RGS21: variants seen among roughly 807,000 people sequenced by gnomAD.
The protein encoded by RGS21 is regulator of G protein signaling 21, also known as regulator of G-protein signalling 21.
A neutral mutation model predicts 18.7 loss-of-function variants in RGS21; 19 were observed. The ratio of observed to expected loss-of-function variants is 1.01; its 90% CI spans 0.71 to 1.49. RGS21 has a LOEUF of 1.49. Ranked by LOEUF, RGS21 falls within the 40% of genes most tolerant of loss-of-function variation. RGS21 has a pLI of 0.00. For missense variants in RGS21, 194 were observed against 176.8 expected (o/e 1.10, Z -0.55); for synonymous variants, 56 against 57.8 (o/e 0.97, Z 0.14).
Position 192,365,986 on chromosome 1 carries a change from C to T in RGS21, c.321C>T (p.Cys107=). The change falls in exon 5 of 5, where the codon TGC becomes TGT. Residue 107 remains cysteine, a synonymous_variant. Coordinates refer to ENST00000417209, the MANE Select transcript of RGS21 (RefSeq NM_001039152.3). ...ATATTGCTGAACCAACACTCAAATG[C>T]TTTGATGAGGCTCAGAAATTAATCT... ...SKNIAEPTLK[C]FDEAQKLIYC... 6.2e-7 allele frequency: 1 copy of T among 1,609,804 alleles called. No individual in the cohort carries two copies. The highest frequency in any genetic ancestry group is 2.2e-5 in the East Asian group (1 of 44,712).
chr1:192,348,791 T>C (rs909193374), intron 3 of RGS21, among the ~76,000 whole-genome samples: 1 of 152,090 alleles, frequency 6.6e-6, no homozygotes, highest in African/African-American at 2.4e-5. Context: ...ATAAATCAAA[T>C]GGCATTTTAT....
In RGS21 at chr1:192,366,029, G is replaced by T; in HGVS notation, c.364G>T (p.Asp122Tyr). Residue 122 changes from aspartate to tyrosine, a missense_variant, in exon 5 of 5, where the codon GAT (aspartate) becomes TAT (tyrosine). Transcript: ENST00000417209. ...ATTAATCTATTGTCTCATGGCCAAG[G>T]ATTCTTTCCCTCGATTTCTGAAGTC... ...QKLIYCLMAK[D>Y]SFPRFLKSEI... 1.2e-6 allele frequency: 2 copies of T among 1,610,350 alleles called. No individual in the cohort carries two copies. The highest frequency in any genetic ancestry group is 1.3e-5 in the African/African-American group (1 of 74,870).
intron 1 of RGS21, among the ~76,000 whole-genome samples, chr1:192,330,700 C>T (rs147854398): frequency 3.3e-5 from 5 of 152,074 alleles, no homozygotes; most frequent in African/African-American, 1.2e-4. Flanking sequence ...CATGGACAAA[C>T]GGAATGTTGC....
chr1:192,318,123 T>C (rs919028542), intron 1 of RGS21, among the ~76,000 whole-genome samples: 3 of 152,110 alleles, frequency 2.0e-5, no homozygotes, highest in Admixed American at 2.0e-4. Context: ...TAATTGCCTT[T>C]TTAAGAAATC....
At position 192,323,523 on chromosome 1, in the gene RGS21, G is replaced by A. The variant is rs79677677; in HGVS notation, c.-61+6418G>A. On this transcript the variant is annotated intron_variant, in intron 1 of 4. Coordinates refer to ENST00000417209, the MANE Select transcript of RGS21 (RefSeq NM_001039152.3). Reference sequence around the variant, plus strand: ...GAAGAAAATAGATAATGGCAAGAGTGAGGGAAGAATGAAAAATGACTCCCA... The same window carrying A: ...GAAGAAAATAGATAATGGCAAGAGTAAGGGAAGAATGAAAAATGACTCCCA... Among the ~76,000 whole-genome samples, 1,325 of 152,192 alleles carry A rather than the reference G, an allele frequency of 8.7e-3. 16 individuals carry two copies. The highest frequency in any genetic ancestry group is 0.011 in the Non-Finnish European group (759 of 67,990).
chr1:192,332,890 C>A (rs1484039097), intron 1 of RGS21, among the ~76,000 whole-genome samples: 2 of 151,822 alleles, frequency 1.3e-5, no homozygotes, highest in African/African-American at 4.8e-5. Flanking sequence ...TGCATTCCAG[C>A]CTGGGTGACA....
chr1:192,363,533 C>T (rs895667484), intron 4 of RGS21, among the ~76,000 whole-genome samples: 11 of 152,054 alleles, frequency 7.2e-5, no homozygotes, highest in Non-Finnish European at 1.2e-4. Flanking sequence ...GTTTAAAAAC[C>T]ACTACAAATC....
chr1:192,326,897 GATAGT>G (rs1185997080), intron 1 of RGS21, among the ~76,000 whole-genome samples: 1 of 152,098 alleles, frequency 6.6e-6, no homozygotes, highest in Non-Finnish European at 1.5e-5. Flanking sequence ...TAATATTATA[GATAGT>G]AAAGTTAAAA....
In RGS21 at chr1:192,343,012, T is replaced by C; in HGVS notation, c.-25T>C. ...AGTCAGAAAGAGAAACTCGGCATCA[T>C]CTGTGACAGACAGTGGAACGAAAAA... On this transcript the variant is annotated 5_prime_UTR_variant, in exon 2 of 5. Transcript: ENST00000417209. 5 of 1,612,104 alleles carry C rather than the reference T, an allele frequency of 3.1e-6. No homozygotes were observed. The highest frequency in any genetic ancestry group is 4.2e-6 in the Non-Finnish European group (5 of 1,178,392).
At chr1:192,352,237 T>C (rs748029233) in intron 4 of RGS21, 24 bp downstream of exon 4, 39 of 1,551,314 alleles carry the variant, frequency 2.5e-5, no homozygotes, top group Middle Eastern at 1.7e-4. Context: ...TTCAGAACAG[T>C]GAAGAGTCAT....
At chr1:192,338,866 A>G (rs1420382104) in intron 1 of RGS21, among the ~76,000 whole-genome samples, 3 of 152,012 alleles carry the variant, frequency 2.0e-5, no homozygotes, top group Admixed American at 1.3e-4. Context: ...TTTCTCTGTC[A>G]TTTCACCTGT....
chr1:192,327,428 G>A (rs1353716256), intron 1 of RGS21, among the ~76,000 whole-genome samples: 1 of 151,686 alleles, frequency 6.6e-6, no homozygotes, highest in Non-Finnish European at 1.5e-5. Flanking sequence ...AAGTCTATGA[G>A]ATTTAAAATT....
At chr1:192,354,796 T>TTAC (rs1475695087) in intron 4 of RGS21, among the ~76,000 whole-genome samples, 1 of 151,716 alleles carries the variant, frequency 6.6e-6, no homozygotes, top group Non-Finnish European at 1.5e-5. Context: ...TATATCCCAT[T>TTAC]TACTTTCTTT....
At chr1:192,353,189 C>T (rs944179629) in intron 4 of RGS21, among the ~76,000 whole-genome samples, 7 of 151,902 alleles carry the variant, frequency 4.6e-5, no homozygotes, top group African/African-American at 9.7e-5. Flanking sequence ...AGATGAAATG[C>T]AAACACTTTC....
At chr1:192,319,016 G>A (rs1337170075) in intron 1 of RGS21, among the ~76,000 whole-genome samples, 2 of 152,020 alleles carry the variant, frequency 1.3e-5, no homozygotes, top group Non-Finnish European at 2.9e-5. Context: ...GATTGCTTGA[G>A]GCTAGAAATT....
intron 1 of RGS21, among the ~76,000 whole-genome samples, chr1:192,326,458 A>G (rs978895210): frequency 1.1e-4 from 17 of 152,106 alleles, no homozygotes; most frequent in African/African-American, 4.1e-4. Context: ...CCTCAAAATT[A>G]TTTTTAACAA....
intron 4 of RGS21, among the ~76,000 whole-genome samples, chr1:192,362,671 T>C (rs1306866630): frequency 6.6e-6 from 1 of 152,130 alleles, no homozygotes; most frequent in African/African-American, 2.4e-5. Context: ...TAGCTACCAA[T>C]TGCTGATGCT....
chr1:192,359,074 C>A (rs1659148212), intron 4 of RGS21, among the ~76,000 whole-genome samples: 1 of 152,066 alleles, frequency 6.6e-6, no homozygotes, highest in Non-Finnish European at 1.5e-5. Context: ...CTAAGAACCA[C>A]AATCCTGTGT....
At chr1:192,336,346 T>C (rs1238180808) in intron 1 of RGS21, among the ~76,000 whole-genome samples, 2 of 152,090 alleles carry the variant, frequency 1.3e-5, no homozygotes, top group Non-Finnish European at 2.9e-5. Flanking sequence ...TCTCAGCTAG[T>C]TGGAAGGCTG....
Sources: allele counts gnomAD v4.1 joint callset (sites outside exome capture counted in the v4.1 genomes callset), GRCh38; gene constraint gnomAD v4.1.1; transcripts MANE v1.5; gene names NCBI Gene and HGNC (gene_info 2026-07-23, HGNC 2026-07-21).